CNTN4: variants seen among roughly 807,000 people sequenced by gnomAD.
The protein encoded by CNTN4 is contactin-4.
CNTN4 carries 77 observed loss-of-function variants against 122.5 expected under a neutral mutation model. The observed-to-expected ratio is 0.63, with a 90% confidence interval of 0.52 to 0.76. The LOEUF (loss-of-function observed/expected upper bound fraction) is 0.76, where lower values mean the gene tolerates loss of function less well. CNTN4 is among the 30% of genes least tolerant of loss of function. The pLI, the probability that CNTN4 is intolerant of heterozygous loss-of-function variation, is 0.00. For synonymous variants in CNTN4, 512 were observed against 447.0 expected (o/e 1.15, Z -1.83); for missense variants, 1,256 against 1,259.1 (o/e 1.00, Z 0.04).
chr3:2,246,616 A>G (rs1020885210), intron 2 of CNTN4, among the ~76,000 whole-genome samples: 4 of 152,008 alleles, frequency 2.6e-5, no homozygotes. Context: ...CAGCAATGCA[A>G]TGTGTATATA....
chr3:2,660,359 A>G (rs966284844), intron 4 of CNTN4, among the ~76,000 whole-genome samples: 5 of 152,270 alleles, frequency 3.3e-5, no homozygotes, highest in African/African-American at 1.2e-4. Context: ...TCAACCAAGT[A>G]TTTCATGTGT....
At chr3:2,558,861 C>T (rs1039939732) in intron 3 of CNTN4, among the ~76,000 whole-genome samples, 1 of 152,148 alleles carries the variant, frequency 6.6e-6, no homozygotes, top group African/African-American at 2.4e-5. Flanking sequence ...CAAATGATCA[C>T]TCTATCTCAT....
At chr3:2,287,621 AGAAGG>A (rs1157501987) in intron 2 of CNTN4, among the ~76,000 whole-genome samples, 3 of 35,140 alleles carry the variant, frequency 8.5e-5, no homozygotes, top group African/African-American at 1.3e-4. Flanking sequence ...AAGGAGAAGG[AGAAGG>A]AGAAGGAGAA....
intron 4 of CNTN4, among the ~76,000 whole-genome samples, chr3:2,698,132 G>A (rs910783486): frequency 6.6e-6 from 1 of 152,216 alleles, no homozygotes; most frequent in Non-Finnish European, 1.5e-5. Flanking sequence ...AGATGTTGCA[G>A]AAATTATCAC....
intron 12 of CNTN4, among the ~76,000 whole-genome samples, chr3:2,911,460 G>C (rs2094298978): frequency 6.6e-6 from 1 of 152,162 alleles, no homozygotes; most frequent in South Asian, 2.1e-4. Context: ...CTCTCAGACT[G>C]CAAAGACTAG....
intron 2 of CNTN4, among the ~76,000 whole-genome samples, chr3:2,240,619 G>T (rs906673216): frequency 1.3e-5 from 2 of 152,006 alleles, no homozygotes; most frequent in East Asian, 1.9e-4. Flanking sequence ...AGACAGTGTC[G>T]GTTTCATATG....
intron 2 of CNTN4, among the ~76,000 whole-genome samples, chr3:2,272,670 G>A (rs1007155894): frequency 2.0e-5 from 3 of 152,136 alleles, no homozygotes; most frequent in Middle Eastern, 3.4e-3. Flanking sequence ...TTCCATAGGC[G>A]TCTTTGAGCC....
At chr3:2,913,099 C>T (rs888251309) in intron 12 of CNTN4, among the ~76,000 whole-genome samples, 1 of 152,122 alleles carries the variant, frequency 6.6e-6, no homozygotes. Flanking sequence ...CTGCAGTGAG[C>T]CAAGATCACA....
Position 2,902,953 on chromosome 3 carries a change from G to C in CNTN4, c.1155G>C (p.Leu385Phe). The C allele has an allele frequency of 6.2e-7, 1 of 1,613,826 alleles. No individual in the cohort carries two copies. The highest frequency in any genetic ancestry group is 8.5e-7 in the Non-Finnish European group (1 of 1,179,844). ...CAGATGCTGGCATGTATCAGTGTTTGGCAGAGAATAAACATGGAGTTATCT... is the reference window on the plus strand; with the variant it reads ...CAGATGCTGGCATGTATCAGTGTTTCGCAGAGAATAAACATGGAGTTATCT... ...NLSDAGMYQC[L>F]AENKHGVIFS... The change falls in exon 12 of 25, where the codon TTG becomes TTC. Residue 385 changes from leucine to phenylalanine, a missense_variant. By Grantham distance (22) the Leu-to-Phe change is conservative. Transcript: ENST00000418658.
intron 2 of CNTN4, among the ~76,000 whole-genome samples, chr3:2,325,506 A>C (rs2150243220): frequency 6.6e-6 from 1 of 152,304 alleles, no homozygotes; most frequent in East Asian, 1.9e-4. Flanking sequence ...TGAATACCTG[A>C]GTCTTCATCA....
At chr3:2,826,973 A>G (rs2093000836) in intron 7 of CNTN4, among the ~76,000 whole-genome samples, 1 of 152,202 alleles carries the variant, frequency 6.6e-6, no homozygotes, top group Admixed American at 6.5e-5. Flanking sequence ...CCAAAGGCGC[A>G]TGAAATCCCA....
chr3:2,499,294 A>G (rs962394914), intron 3 of CNTN4, among the ~76,000 whole-genome samples: 4 of 152,204 alleles, frequency 2.6e-5, no homozygotes, highest in Admixed American at 2.0e-4. Context: ...TGAAAAGCCT[A>G]TCCTTCTGCT....
rs1012446993 is a variant in CNTN4 at position 3,015,604 on chromosome 3, G to A, written c.1487-10498G>A. Among the ~76,000 whole-genome samples, 8 of 152,204 alleles carry A rather than the reference G, an allele frequency of 5.3e-5. No individual in the cohort carries two copies. In the South Asian group the frequency reaches 1.7e-3, roughly 31 times the overall value. On this transcript the variant is annotated intron_variant, in intron 14 of 24. Transcript: ENST00000418658. ...CTTAAACAGAGGAATCTGAAAACAT[G>A]TAGAAAATTGCTGACAGGAGCAGGT...
At position 2,925,903 on chromosome 3, in the gene CNTN4, A is replaced by G. The variant is rs558531031; in HGVS notation, c.1358+124A>G. On this transcript the variant is annotated intron_variant, in intron 13 of 24. Transcript: ENST00000418658. Reference sequence around the variant, plus strand: ...TTCCTGAACTAAGTGTTAAAAAAAGAACAGAAGCTTTGGAAGGATGAGTGG... The same window carrying G: ...TTCCTGAACTAAGTGTTAAAAAAAGGACAGAAGCTTTGGAAGGATGAGTGG... 8.1e-5 allele frequency: 67 copies of G among 827,872 alleles called. No homozygotes were observed. The East Asian group carries it at 1.7e-3, about 21-fold the overall frequency. 51.3% of individuals were successfully genotyped at this position (827,872 alleles called of 1,614,324 possible). A position where few individuals can be genotyped will look rare whatever the true frequency, so the allele number is the denominator to read the frequency against.
intron 4 of CNTN4, among the ~76,000 whole-genome samples, chr3:2,705,256 T>G: frequency 6.8e-6 from 1 of 147,260 alleles, no homozygotes; most frequent in Admixed American, 6.9e-5. Context: ...TAGTCCCAGC[T>G]ACTCGGGAAG....
chr3:2,648,570 G>A (rs942601285), intron 4 of CNTN4, among the ~76,000 whole-genome samples: 1 of 152,120 alleles, frequency 6.6e-6, no homozygotes, highest in Admixed American at 6.5e-5. Context: ...ATCGATCAAT[G>A]TTGTACTCTG....
intron 10 of CNTN4, among the ~76,000 whole-genome samples, chr3:2,889,951 G>A (rs2094020098): frequency 6.6e-6 from 1 of 152,148 alleles, no homozygotes; most frequent in Non-Finnish European, 1.5e-5. Flanking sequence ...ATCCTGCCCT[G>A]GAGATGAAAA....
intron 2 of CNTN4, among the ~76,000 whole-genome samples, chr3:2,255,944 C>T (rs2040572525): frequency 6.6e-6 from 1 of 151,826 alleles, no homozygotes; most frequent in Admixed American, 6.6e-5. Flanking sequence ...AAGATCAGAG[C>T]AGAACTGAAG....
Position 2,779,912 on chromosome 3 carries a change from T to G in CNTN4, c.358+34215T>G, listed in dbSNP as rs571863183. Reference sequence around the variant, plus strand: ...TATTTCAAATTAGTACACTATTGACTCTCAAGAATTCATACCAACGTCAGA... The same window carrying G: ...TATTTCAAATTAGTACACTATTGACGCTCAAGAATTCATACCAACGTCAGA... On this transcript the variant is annotated intron_variant, in intron 6 of 24. Transcript: ENST00000418658. Among the ~76,000 whole-genome samples, 8 of 152,360 alleles carry G rather than the reference T, an allele frequency of 5.3e-5. No homozygotes were observed. The South Asian group carries it at 1.7e-3, about 32-fold the overall frequency.
Sources: gnomAD v4.1 joint callset for allele counts (sites outside exome capture counted in the v4.1 genomes callset) on GRCh38, gnomAD v4.1.1 for gene constraint, MANE v1.5 for transcripts, NCBI Gene and HGNC (gene_info 2026-07-23, HGNC 2026-07-21) for gene names.